The following CACNB4 variants were observed in gnomAD, a reference collection of about 807,000 sequenced individuals.
The protein encoded by CACNB4 is calcium voltage-gated channel auxiliary subunit beta 4.
Under a neutral mutation model 71.2 loss-of-function variants are expected in CACNB4, and 32 were observed. The ratio of observed to expected loss-of-function variants is 0.45; its 90% CI spans 0.34 to 0.60. The LOEUF is 0.60. Ranked by LOEUF, CACNB4 falls within the 20% of genes least tolerant of loss-of-function variation. CACNB4 has a pLI of 0.01. For synonymous variants in CACNB4, 231 were observed against 236.9 expected, an observed-to-expected ratio of 0.97 and a Z score of 0.23; for missense variants, 464 against 647.9, an observed-to-expected ratio of 0.72 and a Z score of 3.08.
chr2:151,884,515 T>A (rs1171774567), intron 2 of CACNB4, among the ~76,000 whole-genome samples: 4 of 140,612 alleles, frequency 2.8e-5, no homozygotes, highest in Admixed American at 7.3e-5. Flanking sequence ...GCGCCTGTAG[T>A]CCCCAGCTAC....
At chr2:151,975,381 A>G (rs996909839) in intron 2 of CACNB4, among the ~76,000 whole-genome samples, 4 of 152,236 alleles carry the variant, frequency 2.6e-5, no homozygotes, top group African/African-American at 9.6e-5. Context: ...ATGTCTTTCA[A>G]TCACAGTCGC....
At chr2:152,011,129 T>C (rs1315887113) in intron 2 of CACNB4, among the ~76,000 whole-genome samples, 1 of 152,152 alleles carries the variant, frequency 6.6e-6, no homozygotes. Flanking sequence ...AGAGTCACTG[T>C]CTCATGAGGT....
Position 151,920,233 on chromosome 2 carries a change from T to A in CACNB4, c.148-36863A>T, listed in dbSNP as rs187220987. Among the ~76,000 whole-genome samples, 310 of 152,118 alleles carry A rather than the reference T, an allele frequency of 2.0e-3. 2 individuals carry two copies. The highest frequency in any genetic ancestry group is 6.7e-3 in the African/African-American group (277 of 41,464). ...AGAACAATTTCTATTTCTATTGTAA[T>A]AGGAATAGAACAATAGTAAAATGAT... On this transcript the variant is annotated intron_variant, in intron 2 of 13. Coordinates refer to ENST00000539935, the MANE Select transcript of CACNB4 (RefSeq NM_000726.5).
chr2:151,883,123 T>C (rs2099848392), intron 3 of CACNB4, 128 bp downstream of exon 3: 3 of 939,422 alleles, frequency 3.2e-6, no homozygotes, highest in Non-Finnish European at 3.3e-6. Flanking sequence ...TCAGAGAGCT[T>C]CCCAATCTGG....
Position 152,098,284 on chromosome 2 carries a change from G to T in CACNB4, c.147+46C>A, listed in dbSNP as rs1454926977. 19 of 1,500,190 alleles carry T rather than the reference G, an allele frequency of 1.3e-5. No individual in the cohort carries two copies. Among genetic ancestry groups the T allele is most frequent in the Non-Finnish European group, 1.7e-5 (18 of 1,077,616 alleles). 92.9% of individuals were successfully genotyped at this position (1,500,190 alleles called of 1,614,324 possible). On this transcript the variant is annotated intron_variant, in intron 2 of 13. Transcript: ENST00000539935. The surrounding 1 kb of genome is among the most constrained non-coding windows in gnomAD (Gnocchi z 5.3). The stretch of plus-strand genomic sequence containing the variant: ...GCCGGCTCCAGGACCCCCGCGCCGC[G>T]CGCTCGGCCTCCTCCCCATCCTGGT...
rs974074946 is a variant in CACNB4, at chr2:151,879,731, C to T, written c.390+1069G>A. The T allele has an allele frequency of 3.9e-5, 6 of 152,316 alleles. No individual in the cohort carries two copies. In the East Asian group the frequency reaches 1.2e-3, roughly 29 times the overall value. 9.4% of individuals were successfully genotyped at this position (152,316 alleles called of 1,614,324 possible). On this transcript the variant is annotated intron_variant, in intron 4 of 13. Transcript: ENST00000539935. ...AGAGGCTCTGGTCCACATAAGATTA[C>T]CAGCTCAATGTCACATCAAACTGCC... is the stretch of plus-strand genomic sequence containing the variant.
chr2:151,961,371 C>T (rs2099869605), intron 2 of CACNB4, among the ~76,000 whole-genome samples: 1 of 152,218 alleles, frequency 6.6e-6, no homozygotes, highest in African/African-American at 2.4e-5. Context: ...GCTTCTCAAG[C>T]TTTCTCCACA....
intron 5 of CACNB4, chr2:151,872,734 G>A (rs1210362761): frequency 1.8e-5 from 6 of 332,700 alleles, no homozygotes; most frequent in East Asian, 1.4e-4. Context: ...TACTCAGTGC[G>A]GAAATCAGAC....
At chr2:152,087,258 C>T (rs1687711193) in intron 2 of CACNB4, among the ~76,000 whole-genome samples, 1 of 151,220 alleles carries the variant, frequency 6.6e-6, no homozygotes, top group Non-Finnish European at 1.5e-5. Flanking sequence ...ATGGTGAAAC[C>T]CCTTCTCTAC....
At chr2:151,971,606 T>C (rs1204879740) in intron 2 of CACNB4, 2 of 702,882 alleles carry the variant, frequency 2.8e-6, no homozygotes, top group Admixed American at 4.0e-5. Flanking sequence ...GGTGTGGCTT[T>C]ATGTGTCACT....
chr2:151,868,306 C>T (rs1422284787), intron 9 of CACNB4: 1 of 152,118 alleles, frequency 6.6e-6, no homozygotes, highest in Non-Finnish European at 1.5e-5. Flanking sequence ...TTTCTTCAAT[C>T]CTACAGTAAT....
intron 2 of CACNB4, among the ~76,000 whole-genome samples, chr2:151,884,401 A>C (rs2099848788): frequency 6.6e-6 from 1 of 150,594 alleles, no homozygotes; most frequent in South Asian, 2.1e-4. Flanking sequence ...AGGTGGGAGG[A>C]TCACGAGGTC....
At chr2:151,846,770 A>G (rs990620829) in intron 12 of CACNB4, among the ~76,000 whole-genome samples, 2 of 152,042 alleles carry the variant, frequency 1.3e-5, no homozygotes, top group Admixed American at 6.5e-5. Context: ...GCCCAGGCTC[A>G]TATTGAACTC....
chr2:151,933,742 CA>C (rs1177049014), intron 2 of CACNB4, among the ~76,000 whole-genome samples: 1 of 152,148 alleles, frequency 6.6e-6, no homozygotes, highest in African/African-American at 2.4e-5. Context: ...CACTTGATAT[CA>C]AACTCCATAT....
intron 2 of CACNB4, among the ~76,000 whole-genome samples, chr2:152,037,071 C>T (rs1684633264): frequency 6.6e-6 from 1 of 152,220 alleles, no homozygotes; most frequent in Admixed American, 6.5e-5. Context: ...ACCATTTCCA[C>T]ACTTGCGGCT....
intron 2 of CACNB4, among the ~76,000 whole-genome samples, chr2:152,032,623 T>C (rs577383952): frequency 6.6e-6 from 1 of 152,324 alleles, no homozygotes; most frequent in African/African-American, 2.4e-5. Flanking sequence ...TTAATGCATT[T>C]TCTCTCTCCA....
intron 2 of CACNB4, among the ~76,000 whole-genome samples, chr2:151,892,200 G>A (rs1303321416): frequency 2.0e-5 from 3 of 152,168 alleles, no homozygotes; most frequent in Non-Finnish European, 4.4e-5. Flanking sequence ...GATTGACTGA[G>A]AGACGCTTTC....
At chr2:152,008,680 C>A (rs921320838) in intron 2 of CACNB4, among the ~76,000 whole-genome samples, 5 of 152,162 alleles carry the variant, frequency 3.3e-5, no homozygotes, top group African/African-American at 1.2e-4. Flanking sequence ...ACTCTTCTCT[C>A]ATCTCCCACC....
chr2:152,012,831 T>C (rs1176160077), intron 2 of CACNB4, among the ~76,000 whole-genome samples: 2 of 152,190 alleles, frequency 1.3e-5, no homozygotes, highest in African/African-American at 4.8e-5. Flanking sequence ...GTAGCCTAAT[T>C]GTACAGGGAT....
Sources: allele counts gnomAD v4.1 joint callset (sites outside exome capture counted in the v4.1 genomes callset), GRCh38; gene constraint gnomAD v4.1.1; non-coding constraint Gnocchi (gnomAD v3.1); transcripts MANE v1.5; gene names NCBI Gene and HGNC (gene_info 2026-07-23, HGNC 2026-07-21).